The following RARB variants were observed in gnomAD, a reference collection of about 807,000 sequenced individuals.
RARB encodes retinoic acid receptor beta, also known as HBV-activated protein.
A neutral mutation model predicts 51.9 loss-of-function variants in RARB; 17 were observed. The ratio of observed to expected loss-of-function variants is 0.33; its 90% CI spans 0.22 to 0.49. The LOEUF (loss-of-function observed/expected upper bound fraction) is 0.49, where lower values mean the gene tolerates loss of function less well. Among genes scored for constraint, RARB ranks in the 20% least tolerant of loss-of-function variants. The pLI is 0.99. For missense variants in RARB, 369 were observed against 550.8 expected (o/e 0.67, Z 3.30); for synonymous variants, 215 against 195.4 (o/e 1.10, Z -0.84).
intron 3 of RARB, among the ~76,000 whole-genome samples, chr3:25,552,437 T>G (rs569315656): frequency 4.0e-5 from 6 of 151,576 alleles, no homozygotes; most frequent in Middle Eastern, 6.8e-3. Context: ...TGACTGTGCT[T>G]TGGTTGTTAA....
At chr3:25,182,883 T>A (rs939615759) in intron 5 of RARB, among the ~76,000 whole-genome samples, 6 of 151,966 alleles carry the variant, frequency 3.9e-5, no homozygotes, top group Non-Finnish European at 8.8e-5. Flanking sequence ...AAGGGGGAAA[T>A]TTAAACACAG....
chr3:24,861,925 T>C (rs1232156423), intron 2 of RARB, among the ~76,000 whole-genome samples: 2 of 152,242 alleles, frequency 1.3e-5, no homozygotes, highest in African/African-American at 4.8e-5. Flanking sequence ...CAGTAAACCA[T>C]GGACAAGGTA....
intron 3 of RARB, among the ~76,000 whole-genome samples, chr3:25,100,078 A>G (rs1422926920): frequency 1.3e-5 from 2 of 152,196 alleles, no homozygotes; most frequent in Non-Finnish European, 2.9e-5. Context: ...GATGAGAGGT[A>G]ACAAAGTGCT....
In RARB at chr3:25,569,749, C is replaced by T. The variant is rs749456039; in HGVS notation, c.449-9C>T. ...GCGACCCCTGATGTGCCTTCTCTCT[C>T]GTTTCCAGCTGTCAGGAATGACAGG... On this transcript the variant is annotated splice_polypyrimidine_tract_variant and intron_variant, in intron 3 of 7. Coordinates refer to ENST00000330688, the MANE Select transcript of RARB (RefSeq NM_000965.5). 1.1e-5 allele frequency: 18 copies of T among 1,611,724 alleles called. No homozygotes were observed. Among genetic ancestry groups the T allele is most frequent in the Non-Finnish European group, 1.4e-5 (17 of 1,178,938 alleles).
At chr3:24,963,042 T>C (rs1459885269) in intron 2 of RARB, among the ~76,000 whole-genome samples, 1 of 152,180 alleles carries the variant, frequency 6.6e-6, no homozygotes, top group Non-Finnish European at 1.5e-5. Flanking sequence ...TCTATGTAAG[T>C]GGTTTGTGCC....
chr3:25,434,679 C>CT (rs2125520382), intron 1 of RARB, among the ~76,000 whole-genome samples: 1 of 151,852 alleles, frequency 6.6e-6, no homozygotes, highest in South Asian at 2.1e-4. Context: ...GTAGCTGGGA[C>CT]TACAGGCGTG....
In RARB at chr3:25,277,536, T is replaced by A. The variant is rs537888509; in HGVS notation, c.178+102961T>A. Among the ~76,000 whole-genome samples, 6 of 152,352 alleles carry A rather than the reference T, an allele frequency of 3.9e-5. No individual in the cohort carries two copies. In the South Asian group the frequency reaches 1.2e-3, roughly 32 times the overall value. On this transcript the variant is annotated intron_variant, in intron 5 of 11. Coordinates refer to the RARB transcript ENST00000383772. ...TGTCCTCAGAAGACTCTCATGGGCCTAGAGTAAAATGAGCAAAATAAGGCT... is the reference window on the plus strand; with the variant it reads ...TGTCCTCAGAAGACTCTCATGGGCCAAGAGTAAAATGAGCAAAATAAGGCT...
At chr3:24,943,026 A>C (rs1695700782) in intron 2 of RARB, among the ~76,000 whole-genome samples, 1 of 152,198 alleles carries the variant, frequency 6.6e-6, no homozygotes, top group Admixed American at 6.5e-5. Flanking sequence ...AAGACCAGCT[A>C]CCACAATCCA....
intron 3 of RARB, among the ~76,000 whole-genome samples, chr3:25,541,439 A>T (rs571067037): frequency 6.6e-6 from 1 of 152,034 alleles, no homozygotes; most frequent in African/African-American, 2.4e-5. Context: ...TTGTGTTCCT[A>T]TCTACCTCTC....
chr3:25,569,975 T>C, intron 4 of RARB, 57 bp downstream of exon 4: 1 of 1,494,128 alleles, frequency 6.7e-7, no homozygotes, highest in Non-Finnish European at 9.1e-7. Context: ...TACGTGCATG[T>C]GTGCAGACAC....
intron 5 of RARB, among the ~76,000 whole-genome samples, chr3:25,274,262 A>G (rs2125412829): frequency 6.6e-6 from 1 of 152,336 alleles, no homozygotes; most frequent in Middle Eastern, 3.4e-3. Flanking sequence ...TAAGTGTTCA[A>G]AATCCAGTGT....
chr3:24,883,501 A>G (rs1703212337), intron 2 of RARB, among the ~76,000 whole-genome samples: 1 of 152,154 alleles, frequency 6.6e-6, no homozygotes, highest in Non-Finnish European at 1.5e-5. Context: ...AGGGCAAAGC[A>G]GGAACACTAC....
intron 3 of RARB, among the ~76,000 whole-genome samples, chr3:25,118,039 G>A (rs1169019432): frequency 2.6e-5 from 4 of 152,252 alleles, no homozygotes; most frequent in Non-Finnish European, 4.4e-5. Flanking sequence ...CAAGATAGGA[G>A]GCAAACATGA....
chr3:25,361,666 G>A (rs749073161), intron 5 of RARB, among the ~76,000 whole-genome samples: 17 of 152,102 alleles, frequency 1.1e-4, no homozygotes, highest in African/African-American at 3.4e-4. Context: ...GAGTTTTTGC[G>A]TGGTCATCCT....
intron 2 of RARB, among the ~76,000 whole-genome samples, chr3:25,044,535 C>A (rs570276425): frequency 3.3e-5 from 5 of 152,296 alleles, no homozygotes; most frequent in Admixed American, 6.5e-5. Flanking sequence ...TCGTAGTAAT[C>A]AGCCTGGGAT....
chr3:25,464,996 A>G (rs891040820), intron 2 of RARB, among the ~76,000 whole-genome samples: 1 of 152,182 alleles, frequency 6.6e-6, no homozygotes, highest in African/African-American at 2.4e-5. Flanking sequence ...TTCGATTATA[A>G]ATAACACTTT....
At chr3:25,468,097 T>C (rs1201885395) in intron 2 of RARB, among the ~76,000 whole-genome samples, 1 of 152,150 alleles carries the variant, frequency 6.6e-6, no homozygotes, top group Non-Finnish European at 1.5e-5. Context: ...AACCAAACAC[T>C]TGGATTCTCG....
intron 2 of RARB, among the ~76,000 whole-genome samples, chr3:24,979,626 A>C (rs7618785): frequency 2.0e-5 from 3 of 151,360 alleles, no homozygotes; most frequent in Non-Finnish European, 2.9e-5. Flanking sequence ...CATTTGCTTG[A>C]TAGATCTTCC....
At chr3:25,430,404 CTCTCTGAAACTT>C (rs1708154747) in intron 1 of RARB, among the ~76,000 whole-genome samples, 2 of 152,196 alleles carry the variant, frequency 1.3e-5, no homozygotes, top group African/African-American at 4.8e-5. Context: ...GGAACTGGGG[CTCTCTGAAACTT>C]TTTCTTGTTA....
Sources: allele counts gnomAD v4.1 joint callset (sites outside exome capture counted in the v4.1 genomes callset), GRCh38; gene constraint gnomAD v4.1.1; transcripts MANE v1.5; gene names NCBI Gene and HGNC (gene_info 2026-07-23, HGNC 2026-07-21).